PCDH9: variants seen among roughly 807,000 people sequenced by gnomAD.
PCDH9 encodes the protein protocadherin 9.
In PCDH9, 24 loss-of-function variants were observed where a neutral mutation model predicts 70.6. That is an observed-to-expected ratio of 0.34 (90% CI 0.25 to 0.48). The LOEUF is 0.48. Among genes scored for constraint, PCDH9 ranks in the 20% least tolerant of loss-of-function variants. PCDH9 has a pLI of 0.99. For missense variants in PCDH9, 1,281 were observed against 1,503.6 expected (o/e 0.85, Z 2.45); for synonymous variants, 562 against 558.5 (o/e 1.01, Z -0.09).
chr13:66,892,793 A>C (rs2082117060), intron 3 of PCDH9, among the ~76,000 whole-genome samples: 1 of 152,092 alleles, frequency 6.6e-6, no homozygotes, highest in South Asian at 2.1e-4. Context: ...CTAAAATACA[A>C]GGTAGAAGCA....
At chr13:66,961,642 A>C (rs547406021) in intron 2 of PCDH9, among the ~76,000 whole-genome samples, 1 of 152,330 alleles carries the variant, frequency 6.6e-6, no homozygotes, top group Non-Finnish European at 1.5e-5. Flanking sequence ...AAATTAATGT[A>C]ACTTAAATGT....
At chr13:67,005,754 T>A (rs79936626) in intron 2 of PCDH9, among the ~76,000 whole-genome samples, 2,055 of 152,316 alleles carry the variant, frequency 0.013, 53 homozygotes, top group African/African-American at 0.045. Flanking sequence ...ATGATTGCAT[T>A]TTCTCCGTGA....
At chr13:67,097,234 C>T (rs1382345228) in intron 2 of PCDH9, among the ~76,000 whole-genome samples, 2 of 151,528 alleles carry the variant, frequency 1.3e-5, no homozygotes, top group Admixed American at 1.3e-4. Context: ...CCAGCCTGGG[C>T]AATAGAGTGA....
intron 4 of PCDH9, among the ~76,000 whole-genome samples, chr13:66,602,477 A>T (rs989076904): frequency 1.4e-5 from 2 of 145,724 alleles, no homozygotes; most frequent in East Asian, 3.9e-4. Context: ...CTTGTGTCTT[A>T]GTTTTTAACA....
At chr13:66,866,715 T>G (rs1594175153) in intron 3 of PCDH9, among the ~76,000 whole-genome samples, 2 of 150,298 alleles carry the variant, frequency 1.3e-5, no homozygotes, top group Admixed American at 1.3e-4. Flanking sequence ...AAGAATCACT[T>G]GAACCCAGGA....
At chr13:67,171,442 A>G (rs1487328947) in intron 2 of PCDH9, among the ~76,000 whole-genome samples, 2 of 152,118 alleles carry the variant, frequency 1.3e-5, no homozygotes, top group East Asian at 3.9e-4. Context: ...CATTCTGTCA[A>G]TATTGCTGCT....
intron 3 of PCDH9, among the ~76,000 whole-genome samples, chr13:66,815,190 A>G (rs1306189381): frequency 2.6e-5 from 4 of 152,178 alleles, no homozygotes; most frequent in Admixed American, 2.6e-4. Flanking sequence ...ATCACCAATC[A>G]ATAGAAAAAT....
chr13:66,516,738 C>T (rs1959754327), intron 4 of PCDH9, among the ~76,000 whole-genome samples: 3 of 151,958 alleles, frequency 2.0e-5, no homozygotes, highest in African/African-American at 4.8e-5. Flanking sequence ...CTCTCCCTCA[C>T]TCTCTCTTTC....
intron 4 of PCDH9, among the ~76,000 whole-genome samples, chr13:66,327,603 G>A (rs1955870536): frequency 6.6e-6 from 1 of 152,142 alleles, no homozygotes; most frequent in South Asian, 2.1e-4. Flanking sequence ...GTGGGTTAGA[G>A]CTCTAGACTC....
intron 2 of PCDH9, among the ~76,000 whole-genome samples, chr13:67,167,314 C>T (rs988951716): frequency 2.0e-5 from 3 of 151,960 alleles, no homozygotes; most frequent in Admixed American, 6.6e-5. Flanking sequence ...TTCTGTTTCC[C>T]CTAATTTAAA....
intron 3 of PCDH9, among the ~76,000 whole-genome samples, chr13:66,743,060 C>A (rs2079294175): frequency 1.2e-5 from 1 of 81,498 alleles, no homozygotes; most frequent in Non-Finnish European, 3.2e-5. Context: ...TTTATTGCGG[C>A]ATTATTCACA....
chr13:66,434,519 C>G (rs1545310), intron 4 of PCDH9, among the ~76,000 whole-genome samples: 60,446 of 151,728 alleles, frequency 0.4, 12,614 homozygotes, highest in East Asian at 0.51. Flanking sequence ...TTCACTGCTG[C>G]ATCATTAGTA....
intron 2 of PCDH9, among the ~76,000 whole-genome samples, chr13:66,942,741 A>G (rs185385303): frequency 6.6e-6 from 1 of 152,222 alleles, no homozygotes; most frequent in Admixed American, 6.5e-5. Context: ...TCAGAATTGC[A>G]CAATTGCTGA....
chr13:66,656,671 G>A (rs9564328), intron 3 of PCDH9, among the ~76,000 whole-genome samples: 114,640 of 151,958 alleles, frequency 0.75, 43,710 homozygotes, highest in South Asian at 0.88. Flanking sequence ...CTCTTCTGTA[G>A]TTTCTTGAAA....
At chr13:66,320,985 C>T (rs1593794279) in intron 4 of PCDH9, among the ~76,000 whole-genome samples, 1 of 151,954 alleles carries the variant, frequency 6.6e-6, no homozygotes, top group Admixed American at 6.6e-5. Context: ...TAAAGCCTGG[C>T]TTCTTGGTAA....
intron 4 of PCDH9, among the ~76,000 whole-genome samples, chr13:66,388,989 T>C (rs1177493937): frequency 2.0e-5 from 3 of 152,154 alleles, no homozygotes; most frequent in African/African-American, 7.2e-5. Flanking sequence ...TATGCAACAT[T>C]TTATTTTAGA....
intron 4 of PCDH9, among the ~76,000 whole-genome samples, chr13:66,509,484 G>T (rs1959358216): frequency 6.6e-6 from 1 of 152,128 alleles, no homozygotes; most frequent in South Asian, 2.1e-4. Context: ...ACATCCCACT[G>T]ATCAACTTCC....
At chr13:66,943,594 C>T (rs2083040691) in intron 2 of PCDH9, among the ~76,000 whole-genome samples, 1 of 151,906 alleles carries the variant, frequency 6.6e-6, no homozygotes, top group Non-Finnish European at 1.5e-5. Context: ...TTGAAAACCC[C>T]TTTTTCAAAT....
chr13:66,379,431 C>A (rs756952100), intron 4 of PCDH9, among the ~76,000 whole-genome samples: 2 of 152,088 alleles, frequency 1.3e-5, no homozygotes, highest in Admixed American at 1.3e-4. Context: ...ATTAGTGTCA[C>A]GTCACTCATT....
Sources: gnomAD v4.1 joint callset for allele counts (sites outside exome capture counted in the v4.1 genomes callset) on GRCh38, gnomAD v4.1.1 for gene constraint, MANE v1.5 for transcripts, NCBI Gene and HGNC (gene_info 2026-07-23, HGNC 2026-07-21) for gene names.